The following PTPRT variants were observed in gnomAD, a reference collection of about 807,000 sequenced individuals.
PTPRT encodes the protein protein tyrosine phosphatase receptor type T, also known as receptor-type tyrosine-protein phosphatase T.
In PTPRT, 56 loss-of-function variants were observed where a neutral mutation model predicts 176.8. That is an observed-to-expected ratio of 0.32 (90% CI 0.26 to 0.40). The LOEUF is 0.40. Among genes scored for constraint, PTPRT ranks in the 10% least tolerant of loss-of-function variants. The pLI, the probability that PTPRT is intolerant of heterozygous loss-of-function variation, is 1.00. For synonymous variants in PTPRT, 783 were observed against 739.0 expected (o/e 1.06, Z -0.96); for missense variants, 1,540 against 1,908.2 (o/e 0.81, Z 3.60).
chr20:42,657,776 G>C (rs2075151429), intron 7 of PTPRT, among the ~76,000 whole-genome samples: 1 of 152,116 alleles, frequency 6.6e-6, no homozygotes, highest in African/African-American at 2.4e-5. Context: ...AGGAAAAAAA[G>C]CTAGTTTTGC....
At chr20:42,085,929 TTTTC>T in intron 27 of PTPRT, 76 bp from the exon 28 acceptor site, 1 of 1,436,574 alleles carries the variant, frequency 7.0e-7, no homozygotes, top group East Asian at 2.4e-5. Context: ...ATCAACAAGC[TTTTC>T]TTTTCTTTTT....
At chr20:42,992,288 A>C (rs1380247036) in intron 1 of PTPRT, among the ~76,000 whole-genome samples, 1 of 152,022 alleles carries the variant, frequency 6.6e-6, no homozygotes, top group African/African-American at 2.4e-5. Context: ...CATTGAAAAA[A>C]CCCCTCTGCT....
chr20:42,338,310 T>C (rs915071031), intron 11 of PTPRT, among the ~76,000 whole-genome samples: 2 of 152,234 alleles, frequency 1.3e-5, no homozygotes, highest in African/African-American at 4.8e-5. Flanking sequence ...CAGTATTACA[T>C]GTCCCTGATA....
At chr20:42,473,211 G>A (rs1449852472) in intron 7 of PTPRT, among the ~76,000 whole-genome samples, 1 of 151,968 alleles carries the variant, frequency 6.6e-6, no homozygotes, top group East Asian at 1.9e-4. Flanking sequence ...GTCCCTCTGG[G>A]AACATCATTC....
At chr20:42,919,212 C>A (rs1361183528) in intron 1 of PTPRT, among the ~76,000 whole-genome samples, 1 of 152,192 alleles carries the variant, frequency 6.6e-6, no homozygotes, top group Non-Finnish European at 1.5e-5. Context: ...TTTGGTCGGG[C>A]AGCTGGGAAT....
chr20:42,955,145 T>C (rs1395902823), intron 1 of PTPRT, among the ~76,000 whole-genome samples: 2 of 152,180 alleles, frequency 1.3e-5, no homozygotes, highest in Non-Finnish European at 2.9e-5. Context: ...TTAATGATCA[T>C]CATCAACATT....
chr20:42,993,417 CAA>C (rs1223108071), intron 1 of PTPRT, among the ~76,000 whole-genome samples: 1 of 78,270 alleles, frequency 1.3e-5, no homozygotes. Context: ...GACTCTGTCT[CAA>C]AAAAAAAAAA....
chr20:42,451,995 G>T (rs891577157), intron 8 of PTPRT, among the ~76,000 whole-genome samples: 1 of 152,276 alleles, frequency 6.6e-6, no homozygotes, highest in East Asian at 1.9e-4. Context: ...TAGAGGCTGG[G>T]CTTGGTGGCC....
downstream of PTPRT, among the ~76,000 whole-genome samples, chr20:42,068,686 C>A (rs534623260): frequency 6.6e-6 from 1 of 152,344 alleles, no homozygotes; most frequent in South Asian, 2.1e-4. Flanking sequence ...GCATCAACCA[C>A]TGATTACGAT....
chr20:42,352,882 A>C (rs181361235), intron 9 of PTPRT, among the ~76,000 whole-genome samples: 152 of 152,322 alleles, frequency 1.0e-3, no homozygotes, highest in Non-Finnish European at 1.6e-3. Context: ...TTAAAAAAAG[A>C]AACAGAGGGC....
Position 42,074,998 on chromosome 20 carries a change from C to T in PTPRT, c.*5881G>A, listed in dbSNP as rs1982631854. On this transcript the variant is annotated 3_prime_UTR_variant, in exon 31 of 31. Coordinates refer to ENST00000373187, the MANE Select transcript of PTPRT (RefSeq NM_007050.6). ...AGAAGAAACTGGAGCTAGAACAGCT[C>T]CCCCCACACTCCACCACTAACCTCT... is the stretch of plus-strand genomic sequence containing the variant. 2.5e-6 allele frequency: 1 copy of T among 393,130 alleles called. No homozygotes were observed. The highest frequency in any genetic ancestry group is 4.5e-6 in the Non-Finnish European group (1 of 223,562). 24.4% of individuals were successfully genotyped at this position (393,130 alleles called of 1,614,324 possible). A position where few individuals can be genotyped will look rare whatever the true frequency, so the allele number is the denominator to read the frequency against.
chr20:42,725,289 GA>G (rs955259357), intron 6 of PTPRT, among the ~76,000 whole-genome samples: 8 of 150,012 alleles, frequency 5.3e-5, no homozygotes, highest in African/African-American at 2.0e-4. Flanking sequence ...AAAAAAGAAA[GA>G]AAAAAAAACC....
Position 42,818,203 on chromosome 20 carries a change from G to A in PTPRT, c.215-26737C>T, listed in dbSNP as rs539601590. ...TTGCTGCTCCCCAGCCTCCTTGAGT[G>A]ACATCTCCAGGCACAGGAGCAAATC... On this transcript the variant is annotated intron_variant, in intron 2 of 30. Coordinates refer to ENST00000373187, the MANE Select transcript of PTPRT (RefSeq NM_007050.6). 2.0e-5 allele frequency among the ~76,000 whole-genome samples: 3 copies of A among 152,186 alleles called. No homozygotes were observed. In the South Asian group the frequency reaches 6.2e-4, roughly 32 times the overall value.
intron 9 of PTPRT, among the ~76,000 whole-genome samples, chr20:42,419,903 G>A (rs1243840035): frequency 5.3e-5 from 8 of 152,186 alleles, no homozygotes; most frequent in Admixed American, 4.6e-4. Flanking sequence ...AACGCCACGT[G>A]GAGACAGAAG....
intron 13 of PTPRT, among the ~76,000 whole-genome samples, chr20:42,277,306 A>G (rs530982684): frequency 4.6e-5 from 7 of 152,164 alleles, no homozygotes; most frequent in Admixed American, 1.3e-4. Flanking sequence ...TTTTGTCTCA[A>G]TGACTCGGCT....
chr20:43,144,112 C>A (rs758992783), intron 1 of PTPRT, among the ~76,000 whole-genome samples: 2 of 152,172 alleles, frequency 1.3e-5, no homozygotes, highest in African/African-American at 2.4e-5. Context: ...AGATATCCAT[C>A]CACTTCCACG....
intron 2 of PTPRT, among the ~76,000 whole-genome samples, chr20:42,855,305 A>C (rs961998828): frequency 1.3e-5 from 2 of 152,192 alleles, no homozygotes; most frequent in African/African-American, 4.8e-5. Flanking sequence ...GAAATGAACA[A>C]AATGAATTAA....
intron 12 of PTPRT, among the ~76,000 whole-genome samples, chr20:42,312,694 T>C (rs2145361055): frequency 6.6e-6 from 1 of 152,084 alleles, no homozygotes; most frequent in Non-Finnish European, 1.5e-5. Flanking sequence ...AAAGCAAGAG[T>C]ACATATGCAT....
At chr20:43,114,061 A>G (rs188773201) in intron 1 of PTPRT, among the ~76,000 whole-genome samples, 1 of 152,278 alleles carries the variant, frequency 6.6e-6, no homozygotes, top group Admixed American at 6.5e-5. Context: ...ACATACACAA[A>G]CTTCACAAAA....
Sources: gnomAD v4.1 joint callset for allele counts (sites outside exome capture counted in the v4.1 genomes callset) on GRCh38, gnomAD v4.1.1 for gene constraint, MANE v1.5 for transcripts, NCBI Gene and HGNC (gene_info 2026-07-23, HGNC 2026-07-21) for gene names.